The following ANKRD40CL variants were observed in gnomAD, a reference collection of about 807,000 sequenced individuals.
The protein encoded by ANKRD40CL is putative ANKRD40 C-terminal-like protein.
For missense variants in ANKRD40CL, 11 were observed against 6.4 expected (o/e 1.71, Z -0.77); for synonymous variants, 5 against 2.3 (o/e 2.14, Z -1.04).
chr17:50,766,857 A>T lies in ANKRD40CL; in HGVS notation c.40+17T>A, dbSNP rs1420361606. Reference sequence around the variant, plus strand: ...CCTCCTTGAGGACCATGTTGGGAACAGGACTCCCAGACTCACCTGCTGGCT... The same window carrying T: ...CCTCCTTGAGGACCATGTTGGGAACTGGACTCCCAGACTCACCTGCTGGCT... On this transcript the variant is annotated intron_variant, in intron 2 of 3. Coordinates refer to ENST00000450727, the MANE Select transcript of ANKRD40CL (RefSeq NM_001358683.3). The T allele has an allele frequency of 1.6e-6, 1 of 639,188 alleles. No individual in the cohort carries two copies. Among genetic ancestry groups the T allele is most frequent in the Non-Finnish European group, 2.8e-6 (1 of 355,840 alleles). 39.6% of individuals were successfully genotyped at this position (639,188 alleles called of 1,614,324 possible). A position where few individuals can be genotyped will look rare whatever the true frequency, so the allele number is the denominator to read the frequency against.
chr17:50,763,192 C>T (rs781490493), intron 3 of ANKRD40CL: 42 of 380,080 alleles, frequency 1.1e-4, no homozygotes, highest in Non-Finnish European at 1.8e-4. Context: ...CCACCGTGAT[C>T]GGACCATTTA....
At chr17:50,764,521 C>G in intron 2 of ANKRD40CL, 2 of 301,098 alleles carry the variant, frequency 6.6e-6, no homozygotes, top group Non-Finnish European at 1.2e-5. Flanking sequence ...CTGTGCTTAG[C>G]TCAAGTTTTT....
rs1971191251 is a variant in ANKRD40CL at position 50,761,036 on chromosome 17, A to AT, written c.*326dup. 1 of 152,444 alleles carries AT rather than the reference A, an allele frequency of 6.6e-6. No individual in the cohort carries two copies. The highest frequency in any genetic ancestry group is 1.4e-5 in the Non-Finnish European group (1 of 69,026). The allele number at this position is 152,444 out of a possible 1,614,324, so 9.4% of individuals were successfully genotyped here. A position where few individuals can be genotyped will look rare whatever the true frequency, so the allele number is the denominator to read the frequency against. On this transcript the variant is annotated 3_prime_UTR_variant, in exon 4 of 4. Transcript: ENST00000450727. ...AGTTTTTTAATTCCTGGGATTGATTATTTATTTATTTATTTATTTTGAGAG... is the reference window on the plus strand; with the variant it reads ...AGTTTTTTAATTCCTGGGATTGATTATTTTATTTATTTATTTATTTTGAGAG...
intron 2 of ANKRD40CL, among the ~76,000 whole-genome samples, chr17:50,765,486 A>T (rs896520877): frequency 6.6e-6 from 1 of 152,136 alleles, no homozygotes; most frequent in African/African-American, 2.4e-5. Context: ...TATTATTTTC[A>T]TTTTCAGACA....
rs566092371 is a variant in ANKRD40CL at position 50,761,436 on chromosome 17, C to G, written c.272G>C (p.Arg91Thr). ...ELILMKNGSS[R>T]LTEYVPSLTE... Reference sequence around the variant, plus strand: ...CAGAGATGGCACATATTCTGTCAATCTGGAGCTTCCATTTTTCATTAAAAT... The same window carrying G: ...CAGAGATGGCACATATTCTGTCAATGTGGAGCTTCCATTTTTCATTAAAAT... Residue 91 changes from arginine to threonine, a missense_variant, in exon 4 of 4, where the codon AGA becomes ACA. Coordinates refer to ENST00000450727, the MANE Select transcript of ANKRD40CL (RefSeq NM_001358683.3). The G allele has an allele frequency of 2.1e-4, 85 of 399,006 alleles. No homozygotes were observed. Among genetic ancestry groups the G allele is most frequent in the Non-Finnish European group, 3.2e-4 (73 of 226,048 alleles). The allele number at this position is 399,006 out of a possible 1,614,324, so 24.7% of individuals were successfully genotyped here.
chr17:50,766,938 T>G lies in ANKRD40CL; in HGVS notation c.-25A>C. On this transcript the variant is annotated 5_prime_UTR_variant, in exon 2 of 4. Coordinates refer to ENST00000450727, the MANE Select transcript of ANKRD40CL (RefSeq NM_001358683.3). ...TGAGTCACCTCTAGTCCGTCAGATG[T>G]GCAGCCCCTCTCGCATTTATGCACA... 1.4e-6 allele frequency: 1 copy of G among 701,652 alleles called. No homozygotes were observed. Among genetic ancestry groups the G allele is most frequent in the Non-Finnish European group, 2.6e-6 (1 of 384,514 alleles). 43.5% of individuals were successfully genotyped at this position (701,652 alleles called of 1,614,324 possible).
chr17:50,767,003 C>T lies in ANKRD40CL; in HGVS notation c.-90G>A. The T allele has an allele frequency of 1.4e-6, 1 of 702,258 alleles. No homozygotes were observed. Among genetic ancestry groups the T allele is most frequent in the Non-Finnish European group, 2.6e-6 (1 of 384,946 alleles). The allele number at this position is 702,258 out of a possible 1,614,324, so 43.5% of individuals were successfully genotyped here. A position where few individuals can be genotyped will look rare whatever the true frequency, so the allele number is the denominator to read the frequency against. On this transcript the variant is annotated 5_prime_UTR_variant, in exon 2 of 4. Coordinates refer to ENST00000450727, the MANE Select transcript of ANKRD40CL (RefSeq NM_001358683.3). ...TAAAAAGCACTTTCTACAGCCTCAG[C>T]ACATCTGTCTGCAAGGTAACAACAG...
At position 50,763,474 on chromosome 17, in the gene ANKRD40CL, C is replaced by T. The variant is rs1191383802; in HGVS notation, c.124G>A (p.Val42Met). 1.8e-5 allele frequency: 7 copies of T among 398,918 alleles called. No homozygotes were observed. Among genetic ancestry groups the T allele is most frequent in the East Asian group, 3.6e-5 (1 of 28,090 alleles). The allele number at this position is 398,918 out of a possible 1,614,324, so 24.7% of individuals were successfully genotyped here. A position where few individuals can be genotyped will look rare whatever the true frequency, so the allele number is the denominator to read the frequency against. ...TTAATCCCCAGTTCACAGCAACTCA[C>T]GTTTAGTAGGTTTTGGTAACTCAGT... ...QELSYQNLLN[V>M]SCCELGIKPE... Residue 42 changes from valine to methionine, a missense_variant, in exon 3 of 4, where the codon GTG becomes ATG. Val to Met is a conservative substitution (Grantham distance 21). Coordinates refer to ENST00000450727, the MANE Select transcript of ANKRD40CL (RefSeq NM_001358683.3).
Position 50,761,375 on chromosome 17 carries a change from T to G in ANKRD40CL, c.333A>C (p.Lys111Asn), listed in dbSNP as rs1971198499. The G allele has an allele frequency of 2.5e-6, 1 of 398,438 alleles. No individual in the cohort carries two copies. Among genetic ancestry groups the G allele is most frequent in the Non-Finnish European group, 4.4e-6 (1 of 225,856 alleles). The allele number at this position is 398,438 out of a possible 1,614,324, so 24.7% of individuals were successfully genotyped here. A position where few individuals can be genotyped will look rare whatever the true frequency, so the allele number is the denominator to read the frequency against. Reference sequence around the variant, plus strand: ...TTCCTGGGAGTATTTAATAAGTCATTTTTGCAGCTTTGCTATCATAGCAGG... The same window carrying G: ...TTCCTGGGAGTATTTAATAAGTCATGTTTGCAGCTTTGCTATCATAGCAGG... The part of the protein sequence containing the change: ...ERPCYDSKAA[K>N]MTY The change falls in exon 4 of 4, where the codon AAA becomes AAC. Residue 111 changes from lysine (K) to asparagine (N), a missense_variant. Physicochemically the swap from Lys to Asn is moderately conservative, Grantham distance 94 (BLOSUM62 0). Coordinates refer to ENST00000450727, the MANE Select transcript of ANKRD40CL (RefSeq NM_001358683.3).
intron 2 of ANKRD40CL, chr17:50,763,988 T>G: frequency 2.5e-6 from 1 of 395,010 alleles, no homozygotes; most frequent in East Asian, 3.6e-5. Flanking sequence ...CTCTTGAGAT[T>G]CCTACCCACC....
chr17:50,767,199 A>G, intron 1 of ANKRD40CL, 188 bp from the exon 2 acceptor site: 1 of 617,626 alleles, frequency 1.6e-6, no homozygotes, highest in East Asian at 3.3e-5. Context: ...AAGACGGTGC[A>G]GGCCGGTAGT....
Position 50,765,957 on chromosome 17 carries a change from A to G in ANKRD40CL, c.40+917T>C, listed in dbSNP as rs573317281. 2.6e-5 allele frequency among the ~76,000 whole-genome samples: 4 copies of G among 152,226 alleles called. No homozygotes were observed. In the South Asian group the frequency reaches 8.3e-4, roughly 32 times the overall value. On this transcript the variant is annotated intron_variant, in intron 2 of 3. Transcript: ENST00000450727. ...AAGTTCAGGGCTAAAATTATGACAC[A>G]TTTCAAGTCAACAATCACAGAATGT...
At chr17:50,764,288 C>G (rs1319666085) in intron 2 of ANKRD40CL, 3 of 398,454 alleles carry the variant, frequency 7.5e-6, no homozygotes, top group African/African-American at 6.2e-5. Flanking sequence ...CAGTACCTGA[C>G]CAGTTGGCTG....
chr17:50,763,755 G>A (rs571103824), intron 2 of ANKRD40CL, 198 bp from the exon 3 acceptor site: 38 of 390,186 alleles, frequency 9.7e-5, no homozygotes, highest in African/African-American at 7.0e-4. Context: ...TGTTGGGCAA[G>A]CTCTGGGATG....
At chr17:50,763,625 C>A in intron 2 of ANKRD40CL, 68 bp from the exon 3 acceptor site, 1 of 398,466 alleles carries the variant, frequency 2.5e-6, no homozygotes, top group South Asian at 1.3e-4. Context: ...AAATACCTGT[C>A]AGAGATTTTC....
intron 3 of ANKRD40CL, chr17:50,762,880 G>C (rs1452329881): frequency 6.6e-6 from 1 of 151,982 alleles, no homozygotes; most frequent in East Asian, 1.9e-4. Context: ...CCTTAAATTG[G>C]GGAGTCACTT....
intron 2 of ANKRD40CL, chr17:50,764,194 T>A: frequency 2.5e-6 from 1 of 398,726 alleles, no homozygotes; most frequent in Non-Finnish European, 4.4e-6. Flanking sequence ...TTTCTTGTTA[T>A]CACTTGGGTC....
chr17:50,767,035 C>T, intron 1 of ANKRD40CL, 24 bp from the exon 2 acceptor site: 5 of 695,922 alleles, frequency 7.2e-6, no homozygotes, highest in Non-Finnish European at 1.3e-5. Flanking sequence ...ACAGTGTGTT[C>T]TTGCCAGCCC....
intron 2 of ANKRD40CL, among the ~76,000 whole-genome samples, chr17:50,765,318 A>G (rs1023840522): frequency 6.6e-6 from 1 of 152,150 alleles, no homozygotes; most frequent in Non-Finnish European, 1.5e-5. Context: ...TTACATTTCT[A>G]TTGGGCAGCA....
Sources: gnomAD v4.1 joint callset for allele counts (sites outside exome capture counted in the v4.1 genomes callset) on GRCh38, gnomAD v4.1.1 for gene constraint, MANE v1.5 for transcripts, NCBI Gene and HGNC (gene_info 2026-07-23, HGNC 2026-07-21) for gene names.